LDLRAD3: variants seen among roughly 807,000 people sequenced by gnomAD.
LDLRAD3 encodes the protein low density lipoprotein receptor class A domain containing 3.
Under a neutral mutation model 29.4 loss-of-function variants are expected in LDLRAD3, and 20 were observed. The ratio of observed to expected loss-of-function variants is 0.68; its 90% CI spans 0.48 to 0.99. LDLRAD3 has a LOEUF of 0.99. LDLRAD3 is among the 50% of genes least tolerant of loss of function. The pLI is 0.00. For synonymous variants in LDLRAD3, 157 were observed against 192.7 expected (o/e 0.81, Z 1.53); for missense variants, 420 against 454.3 (o/e 0.92, Z 0.69).
intron 4 of LDLRAD3, among the ~76,000 whole-genome samples, chr11:36,225,545 C>T: frequency 6.6e-6 from 1 of 152,076 alleles, no homozygotes; most frequent in Non-Finnish European, 1.5e-5. Context: ...CGAGGAAGTG[C>T]CTGCAGATTG....
intron 1 of LDLRAD3, among the ~76,000 whole-genome samples, chr11:36,015,162 C>T (rs936891946): frequency 5.3e-5 from 8 of 152,196 alleles, no homozygotes; most frequent in African/African-American, 9.7e-5. Context: ...CAGAGCCTTG[C>T]GCCAGGTCTG....
intron 4 of LDLRAD3, among the ~76,000 whole-genome samples, chr11:36,191,498 G>A (rs1218364506): frequency 2.0e-5 from 3 of 149,392 alleles, no homozygotes; most frequent in East Asian, 2.0e-4. Flanking sequence ...AGCTATGAGC[G>A]CGCCACTGCA....
intron 1 of LDLRAD3, among the ~76,000 whole-genome samples, chr11:36,024,028 C>G (rs1165944295): frequency 6.6e-6 from 1 of 152,152 alleles, no homozygotes; most frequent in Non-Finnish European, 1.5e-5. Context: ...TGGTGTCTGG[C>G]CCCACAATCT....
intron 4 of LDLRAD3, among the ~76,000 whole-genome samples, chr11:36,155,225 G>A (rs1015361946): frequency 3.3e-5 from 5 of 152,148 alleles, no homozygotes; most frequent in Admixed American, 6.6e-5. Flanking sequence ...CACAGATCAC[G>A]CTGTCAAGTA....
chr11:36,109,645 G>C (rs1853579992), intron 4 of LDLRAD3, among the ~76,000 whole-genome samples: 1 of 152,150 alleles, frequency 6.6e-6, no homozygotes, highest in South Asian at 2.1e-4. Flanking sequence ...ATAGAACCAA[G>C]TGACTAAGCA....
chr11:36,104,699 G>A (rs1256555492), intron 4 of LDLRAD3, among the ~76,000 whole-genome samples: 1 of 152,106 alleles, frequency 6.6e-6, no homozygotes, highest in African/African-American at 2.4e-5. Flanking sequence ...CCCTTTTCTA[G>A]ATGAAGAAAC....
chr11:36,075,968 TG>T (rs1852992961), intron 2 of LDLRAD3, among the ~76,000 whole-genome samples: 1 of 152,220 alleles, frequency 6.6e-6, no homozygotes, highest in Admixed American at 6.5e-5. Context: ...TTGACACTTC[TG>T]GCAACAGAAG....
At chr11:36,210,606 G>C (rs565487306) in intron 4 of LDLRAD3, among the ~76,000 whole-genome samples, 2 of 152,214 alleles carry the variant, frequency 1.3e-5, no homozygotes, top group South Asian at 4.2e-4. Flanking sequence ...TGTTGGAATA[G>C]AGCCTCCAGC....
intron 4 of LDLRAD3, among the ~76,000 whole-genome samples, chr11:36,203,624 G>A (rs114266215): frequency 0.015 from 2,249 of 152,208 alleles, 66 homozygotes; most frequent in African/African-American, 0.051. Context: ...TTCCCCAGGC[G>A]GCACATGAGA....
At chr11:36,214,336 T>C (rs1855324027) in intron 4 of LDLRAD3, among the ~76,000 whole-genome samples, 2 of 152,146 alleles carry the variant, frequency 1.3e-5, no homozygotes, top group South Asian at 4.1e-4. Flanking sequence ...AGTGACTATG[T>C]CAAGGCACCA....
In LDLRAD3 at chr11:36,229,584, G is replaced by C; in HGVS notation, c.*187G>C. 1 of 570,102 alleles carries C rather than the reference G, an allele frequency of 1.8e-6. No homozygotes were observed. The highest frequency in any genetic ancestry group is 3.1e-6 in the Non-Finnish European group (1 of 320,226). 35.3% of individuals were successfully genotyped at this position (570,102 alleles called of 1,614,324 possible). A position where few individuals can be genotyped will look rare whatever the true frequency, so the allele number is the denominator to read the frequency against. On this transcript the variant is annotated 3_prime_UTR_variant, in exon 6 of 6. Coordinates refer to ENST00000315571, the MANE Select transcript of LDLRAD3 (RefSeq NM_174902.4). ...GAGATGTTTTTCTGGCGTCTCAGTT[G>C]ACATGATCTGTTGTGCGTCTTTTCT...
intron 4 of LDLRAD3, among the ~76,000 whole-genome samples, chr11:36,102,876 C>T (rs111534781): frequency 5.3e-5 from 8 of 152,030 alleles, no homozygotes; most frequent in Non-Finnish European, 5.9e-5. Context: ...CTGAATGTGG[C>T]GGGCAACCTC....
intron 1 of LDLRAD3, among the ~76,000 whole-genome samples, chr11:35,963,452 G>A (rs557291533): frequency 2.7e-5 from 4 of 148,404 alleles, no homozygotes; most frequent in South Asian, 2.1e-4. Context: ...TTTTTAACAC[G>A]TTGTTACATT....
At chr11:36,217,083 G>C (rs565474349) in intron 4 of LDLRAD3, among the ~76,000 whole-genome samples, 2 of 152,268 alleles carry the variant, frequency 1.3e-5, no homozygotes, top group South Asian at 4.1e-4. Flanking sequence ...TAAAGAAGAA[G>C]GGAAATTGTG....
intron 1 of LDLRAD3, among the ~76,000 whole-genome samples, chr11:35,982,928 AT>A (rs1408041153): frequency 7.3e-6 from 1 of 136,444 alleles, no homozygotes; most frequent in Non-Finnish European, 1.5e-5. Flanking sequence ...ATCTCAACTC[AT>A]TACAACCTCT....
Position 35,948,437 on chromosome 11 carries a change from C to CGTGTGT in LDLRAD3, c.46+4321_46+4326dup, listed in dbSNP as rs140009978. ...CAGGGAGATTTTTAAGTTGGCTGAT[C>CGTGTGT]GTGTGTGTGTGTGTGTGTGTGTGTG... On this transcript the variant is annotated intron_variant, in intron 1 of 5. Transcript: ENST00000315571. Among the ~76,000 whole-genome samples, 64 of 147,300 alleles carry CGTGTGT rather than the reference C, an allele frequency of 4.3e-4. 1 individual carries two copies. The highest frequency in any genetic ancestry group is 7.2e-4 in the African/African-American group (29 of 40,212).
intron 1 of LDLRAD3, among the ~76,000 whole-genome samples, chr11:36,021,229 G>A (rs944625216): frequency 6.6e-6 from 1 of 152,168 alleles, no homozygotes; most frequent in African/African-American, 2.4e-5. Flanking sequence ...TGTTGGTTTG[G>A]AAGTTATCAC....
At chr11:36,050,510 A>G (rs1852512089) in intron 2 of LDLRAD3, among the ~76,000 whole-genome samples, 2 of 152,218 alleles carry the variant, frequency 1.3e-5, no homozygotes, top group African/African-American at 4.8e-5. Flanking sequence ...GTCTGACATT[A>G]AAATCCAAAC....
chr11:35,950,789 A>C (rs1238376071), intron 1 of LDLRAD3, among the ~76,000 whole-genome samples: 1 of 152,150 alleles, frequency 6.6e-6, no homozygotes, highest in East Asian at 1.9e-4. Context: ...ACACTGCAAA[A>C]ATAATACACG....
Sources: gnomAD v4.1 joint callset for allele counts (sites outside exome capture counted in the v4.1 genomes callset) on GRCh38, gnomAD v4.1.1 for gene constraint, MANE v1.5 for transcripts, NCBI Gene and HGNC (gene_info 2026-07-23, HGNC 2026-07-21) for gene names.